The following RGS20 variants were observed in gnomAD, a reference collection of about 807,000 sequenced individuals.
RGS20 encodes the protein regulator of G protein signaling 20, also known as gz-selective GTPase-activating protein.
In RGS20, 30 loss-of-function variants were observed where a neutral mutation model predicts 33.6. That is an observed-to-expected ratio of 0.89 (90% CI 0.67 to 1.21). The LOEUF (loss-of-function observed/expected upper bound fraction) is 1.21. RGS20 is among the 50% of genes most tolerant of loss of function. The pLI is 0.00. For missense variants in RGS20, 472 were observed against 502.4 expected (o/e 0.94, Z 0.58); for synonymous variants, 208 against 197.9 (o/e 1.05, Z -0.43).
intron 2 of RGS20, among the ~76,000 whole-genome samples, chr8:53,900,273 G>A (rs1376895125): frequency 6.6e-6 from 1 of 152,030 alleles, no homozygotes; most frequent in Non-Finnish European, 1.5e-5. Flanking sequence ...TCCTGAATAG[G>A]TGGAACTACA....
chr8:53,867,333 T>G (rs1811943294), intron 1 of RGS20, among the ~76,000 whole-genome samples: 1 of 152,182 alleles, frequency 6.6e-6, no homozygotes, highest in African/African-American at 2.4e-5. Flanking sequence ...ATGCCTGCAT[T>G]TGCTTCCACC....
At chr8:53,931,556 AACAACAACAACAAC>A in intron 2 of RGS20, among the ~76,000 whole-genome samples, 1 of 48,266 alleles carries the variant, frequency 2.1e-5, no homozygotes, top group Non-Finnish European at 3.3e-5. Context: ...ACTCCAAAAC[AACAACAACAACAAC>A]AACAACAACA....
chr8:53,909,815 T>C (rs1813305554), intron 2 of RGS20, among the ~76,000 whole-genome samples: 1 of 152,216 alleles, frequency 6.6e-6, no homozygotes, highest in Non-Finnish European at 1.5e-5. Flanking sequence ...GATACACTTG[T>C]CTTTGACAAC....
At chr8:53,950,215 T>G (rs918242623) in intron 4 of RGS20, among the ~76,000 whole-genome samples, 2 of 152,206 alleles carry the variant, frequency 1.3e-5, no homozygotes, top group African/African-American at 4.8e-5. Context: ...AATCAAATAT[T>G]ATTGTTCAAA....
chr8:53,862,671 G>A (rs1811835003), intron 1 of RGS20, among the ~76,000 whole-genome samples: 1 of 152,188 alleles, frequency 6.6e-6, no homozygotes, highest in African/African-American at 2.4e-5. Context: ...AGTGGCACAT[G>A]CCCCTAAGTC....
intron 2 of RGS20, among the ~76,000 whole-genome samples, chr8:53,893,168 A>G (rs1585894501): frequency 6.6e-6 from 1 of 152,262 alleles, no homozygotes; most frequent in African/African-American, 2.4e-5. Context: ...TTCTGGAAAG[A>G]ATAGCTGGTT....
intron 3 of RGS20, 197 bp from the exon 3 acceptor site, chr8:53,946,468 G>A (rs1814480560): frequency 9.5e-6 from 6 of 630,748 alleles, no homozygotes; most frequent in East Asian, 2.8e-5. Context: ...AAACCACAAC[G>A]TTTATTTATA....
chr8:53,876,534 GC>G (rs1394925839), intron 1 of RGS20: 1 of 152,284 alleles, frequency 6.6e-6, no homozygotes, highest in Non-Finnish European at 1.5e-5. Flanking sequence ...GGAGGACAAG[GC>G]TCTCTGAAGT....
At position 53,863,336 on chromosome 8, in the gene RGS20, C is replaced by T. The variant is rs148524785; in HGVS notation, c.165+11272C>T. On this transcript the variant is annotated intron_variant, in intron 1 of 5. Transcript: ENST00000297313. ...CTGAGTCAAGATTCAGAGCTCATTG[C>T]TCCCTTCTTGGAATACAGCCCTCCA... is the stretch of plus-strand genomic sequence containing the variant. 3.3e-5 allele frequency among the ~76,000 whole-genome samples: 5 copies of T among 152,266 alleles called. No homozygotes were observed. In the East Asian group the frequency reaches 7.7e-4, roughly 24 times the overall value.
chr8:53,925,851 C>T (rs1253981388), intron 2 of RGS20, among the ~76,000 whole-genome samples: 2 of 152,014 alleles, frequency 1.3e-5, no homozygotes, highest in African/African-American at 2.4e-5. Flanking sequence ...ATGTTACTAA[C>T]GGAGGCCCTG....
chr8:53,948,275 GTA>G (rs1321395341), intron 4 of RGS20, among the ~76,000 whole-genome samples: 5 of 137,656 alleles, frequency 3.6e-5, no homozygotes, highest in African/African-American at 1.1e-4. Flanking sequence ...GTAAGTTATA[GTA>G]TATATATTTA....
chr8:53,888,330 G>T (rs2129276847), intron 2 of RGS20, among the ~76,000 whole-genome samples: 1 of 152,232 alleles, frequency 6.6e-6, no homozygotes, highest in South Asian at 2.1e-4. Flanking sequence ...ATTTTTGTGA[G>T]GTTTATGACA....
At chr8:53,927,826 G>A (rs1270576683) in intron 2 of RGS20, among the ~76,000 whole-genome samples, 1 of 152,200 alleles carries the variant, frequency 6.6e-6, no homozygotes, top group Non-Finnish European at 1.5e-5. Flanking sequence ...TATGAAGCTG[G>A]TTTGGCTAAT....
chr8:53,909,914 T>C (rs867366120), intron 2 of RGS20, among the ~76,000 whole-genome samples: 1 of 152,178 alleles, frequency 6.6e-6, no homozygotes, highest in Non-Finnish European at 1.5e-5. Context: ...TCTTTCCTTC[T>C]AGAGTCCTTT....
intron 2 of RGS20, among the ~76,000 whole-genome samples, chr8:53,928,674 T>C (rs549473626): frequency 6.6e-6 from 1 of 152,002 alleles, no homozygotes; most frequent in South Asian, 2.1e-4. Flanking sequence ...AAATACAAAA[T>C]TAGCCGGGCG....
At position 53,914,561 on chromosome 8, in the gene RGS20, A is replaced by G. The variant is rs181077482; in HGVS notation, c.511-25015A>G. Among the ~76,000 whole-genome samples the G allele has an allele frequency of 6.6e-5, 10 of 152,338 alleles. 1 individual carries two copies. The Middle Eastern group carries it at 0.01, about 155-fold the overall frequency. ...TAATTTAACAAGCCAGACTGAACTG[A>G]GTGTAAACAGGCAGTGAATTTCTTC... On this transcript the variant is annotated intron_variant, in intron 2 of 5. Transcript: ENST00000297313.
intron 2 of RGS20, among the ~76,000 whole-genome samples, chr8:53,900,254 A>G (rs113807379): frequency 0.031 from 4,719 of 152,038 alleles, 247 homozygotes; most frequent in African/African-American, 0.11. Context: ...CGATCCTCCC[A>G]CCTCAGCCTC....
chr8:53,934,058 T>C (rs76781443), intron 2 of RGS20, among the ~76,000 whole-genome samples: 1 of 152,166 alleles, frequency 6.6e-6, no homozygotes, highest in African/African-American at 2.4e-5. Context: ...AAGCAAATGC[T>C]GAGAGATTTT....
intron 1 of RGS20, among the ~76,000 whole-genome samples, chr8:53,859,894 C>A (rs1405037737): frequency 6.6e-6 from 1 of 152,262 alleles, no homozygotes; most frequent in African/African-American, 2.4e-5. Flanking sequence ...AAACCCACCC[C>A]CACTATTCAG....
Sources: allele counts gnomAD v4.1 joint callset (sites outside exome capture counted in the v4.1 genomes callset), GRCh38; gene constraint gnomAD v4.1.1; transcripts MANE v1.5; gene names NCBI Gene and HGNC (gene_info 2026-07-23, HGNC 2026-07-21).